Variants in MAL observed in about 807,000 individuals in gnomAD.
The protein encoded by MAL is myelin and lymphocyte protein.
Under a neutral mutation model 16.7 loss-of-function variants are expected in MAL, and 5 were observed. The observed-to-expected ratio is 0.30, with a 90% CI of 0.16 to 0.63. MAL has a LOEUF of 0.63. Ranked by LOEUF, MAL falls within the 30% of genes least tolerant of loss-of-function variation. The pLI is 0.82. For missense variants in MAL, 202 were observed against 195.8 expected (o/e 1.03, Z -0.19); for synonymous variants, 96 against 85.5 (o/e 1.12, Z -0.67).
intron 1 of MAL, among the ~76,000 whole-genome samples, chr2:95,045,912 T>C (rs1674575544): frequency 6.6e-6 from 1 of 152,250 alleles, no homozygotes; most frequent in South Asian, 2.1e-4. Flanking sequence ...CATTTTTATT[T>C]AATTGATTTT....
At chr2:95,052,249 C>T (rs887245444) in intron 3 of MAL, among the ~76,000 whole-genome samples, 10 of 152,192 alleles carry the variant, frequency 6.6e-5, no homozygotes, top group African/African-American at 1.2e-4. Flanking sequence ...CCCAGCTCTA[C>T]GTGTTCCCAG....
Position 95,047,940 on chromosome 2 carries a change from CCCT to C in MAL, c.94-10_94-8del. On this transcript the variant is annotated splice_polypyrimidine_tract_variant and intron_variant, in intron 1 of 3. Coordinates refer to ENST00000309988, the MANE Select transcript of MAL (RefSeq NM_002371.4). ...GGCTCTCCTCTAGGCCAAAACTCAC[CCCT>C]CCTCCTCCCCCGCAGATCTTCGGGG... The C allele has an allele frequency of 1.9e-6, 3 of 1,609,908 alleles. No individual in the cohort carries two copies. The highest frequency in any genetic ancestry group is 2.5e-6 in the Non-Finnish European group (3 of 1,178,024).
intron 3 of MAL, among the ~76,000 whole-genome samples, chr2:95,050,077 G>A (rs954127000): frequency 2.6e-5 from 4 of 152,130 alleles, no homozygotes; most frequent in African/African-American, 9.7e-5. Flanking sequence ...GAGAAGTGGG[G>A]CCAGAGAGTG....
chr2:95,042,246 G>GT (rs1447765882), intron 1 of MAL, among the ~76,000 whole-genome samples: 4 of 152,230 alleles, frequency 2.6e-5, no homozygotes, highest in Non-Finnish European at 5.9e-5. Context: ...AGGGCCTTGA[G>GT]ACAGGAGCCG....
intron 1 of MAL, among the ~76,000 whole-genome samples, chr2:95,032,871 G>T (rs1674118772): frequency 6.6e-6 from 1 of 152,216 alleles, no homozygotes; most frequent in Admixed American, 6.5e-5. Context: ...CTCATTCACA[G>T]CTAGTGTTCT....
At chr2:95,046,745 A>T (rs1188334543) in intron 1 of MAL, among the ~76,000 whole-genome samples, 1 of 152,106 alleles carries the variant, frequency 6.6e-6, no homozygotes, top group African/African-American at 2.4e-5. Flanking sequence ...ACTCCATTCC[A>T]ACTCCAAATC....
At chr2:95,037,051 G>A (rs1384966123) in intron 1 of MAL, among the ~76,000 whole-genome samples, 2 of 151,514 alleles carry the variant, frequency 1.3e-5, no homozygotes, top group Non-Finnish European at 2.9e-5. Flanking sequence ...GTGAGTGAGT[G>A]ACTGAGTGGG....
At chr2:95,030,845 A>G (rs1674060916) in intron 1 of MAL, among the ~76,000 whole-genome samples, 1 of 152,260 alleles carries the variant, frequency 6.6e-6, no homozygotes. Context: ...TGAACTGGAC[A>G]GAGTAATGAC....
intron 1 of MAL, among the ~76,000 whole-genome samples, chr2:95,033,444 G>T (rs1293283402): frequency 6.6e-6 from 1 of 152,048 alleles, no homozygotes; most frequent in Admixed American, 6.5e-5. Flanking sequence ...GGGAGAAGCC[G>T]GCTGGGAGTG....
At chr2:95,037,968 G>A in intron 1 of MAL, among the ~76,000 whole-genome samples, 1 of 150,748 alleles carries the variant, frequency 6.6e-6, no homozygotes, top group African/African-American at 2.4e-5. Context: ...GACTGAGTGA[G>A]TGAGTGAGTG....
In MAL at chr2:95,035,214, C is replaced by T. The variant is rs528228848; in HGVS notation, c.93+9329C>T. On this transcript the variant is annotated intron_variant, in intron 1 of 3. Transcript: ENST00000309988. ...TTGTTGGTTTGTTCACATTACTAAC[C>T]TACCTGGTGACTCCCATAAATCCCT... 7.6e-4 allele frequency among the ~76,000 whole-genome samples: 115 copies of T among 152,284 alleles called. 2 individuals carry two copies. In the South Asian group the frequency reaches 0.022, roughly 30 times the overall value.
chr2:95,039,572 G>A (rs753481618), intron 1 of MAL, among the ~76,000 whole-genome samples: 1 of 151,128 alleles, frequency 6.6e-6, no homozygotes, highest in Admixed American at 6.6e-5. Context: ...GACTGAGTGA[G>A]TCAGTGACTG....
chr2:95,028,163 A>C (rs1395063767), intron 1 of MAL, among the ~76,000 whole-genome samples: 10 of 149,606 alleles, frequency 6.7e-5, no homozygotes, highest in South Asian at 6.4e-4. Flanking sequence ...AAAAAAAAAA[A>C]AAAAAAAAAA....
intron 1 of MAL, among the ~76,000 whole-genome samples, chr2:95,041,340 TG>T (rs571576230): frequency 7.9e-5 from 12 of 152,212 alleles, no homozygotes; most frequent in Admixed American, 2.0e-4. Flanking sequence ...TCTCAACTTT[TG>T]GTTTCTGGAG....
chr2:95,044,256 G>C (rs770637174), intron 1 of MAL: 3 of 152,360 alleles, frequency 2.0e-5, no homozygotes, highest in South Asian at 2.1e-4. Flanking sequence ...TGCTTGGAAT[G>C]GGGGCAGGGA....
chr2:95,049,810 C>A, intron 3 of MAL, 104 bp downstream of exon 3: 2 of 1,489,198 alleles, frequency 1.3e-6, no homozygotes, highest in Non-Finnish European at 9.1e-7. Context: ...AGTTCACTAA[C>A]TTTTGAGTGA....
intron 1 of MAL, among the ~76,000 whole-genome samples, chr2:95,039,719 GTGAGTGAC>G (rs1329433350): frequency 1.2e-5 from 1 of 80,508 alleles, no homozygotes; most frequent in Non-Finnish European, 2.4e-5. Flanking sequence ...TGAGGACTGA[GTGAGTGAC>G]TGAGTGAGTG....
intron 1 of MAL, among the ~76,000 whole-genome samples, chr2:95,038,563 A>T (rs1354078312): frequency 1.3e-5 from 2 of 151,232 alleles, no homozygotes; most frequent in African/African-American, 4.9e-5. Flanking sequence ...TGAGTGAGTG[A>T]GTGACTGAGT....
At chr2:95,033,252 C>T (rs950985516) in intron 1 of MAL, among the ~76,000 whole-genome samples, 5 of 152,236 alleles carry the variant, frequency 3.3e-5, no homozygotes, top group Admixed American at 6.5e-5. Flanking sequence ...CGGGTGGGGT[C>T]TGCATGGCAG....
Sources: allele counts gnomAD v4.1 joint callset (sites outside exome capture counted in the v4.1 genomes callset), GRCh38; gene constraint gnomAD v4.1.1; transcripts MANE v1.5; gene names NCBI Gene and HGNC (gene_info 2026-07-23, HGNC 2026-07-21).